AFG2A: variants seen among roughly 807,000 people sequenced by gnomAD.
AFG2A encodes AAA ATPase AFG2A.
At chr4:122,964,501 CA>C in the AFG2A span, among the ~76,000 whole-genome samples, 98,458 of 126,058 alleles carry the variant, frequency 0.78, 37,869 homozygotes, top group East Asian at 0.93. Flanking sequence ...AAGACTGTCT[CA>C]AAAAAAAAAA....
At chr4:123,071,095 A>G in the AFG2A span, among the ~76,000 whole-genome samples, 40 of 152,188 alleles carry the variant, frequency 2.6e-4, no homozygotes, top group Non-Finnish European at 4.7e-4. Context: ...TATGTTTATG[A>G]TATCAGTGCC....
chr4:123,174,923 T>A, the AFG2A span, among the ~76,000 whole-genome samples: 8,865 of 152,082 alleles, frequency 0.058, 858 homozygotes, highest in African/African-American at 0.2. Context: ...CTCAACCTCC[T>A]GGGCCCAAGC....
chr4:122,964,956 C>T, the AFG2A span, among the ~76,000 whole-genome samples: 2 of 152,154 alleles, frequency 1.3e-5, no homozygotes, highest in African/African-American at 2.4e-5. Flanking sequence ...AATAAAGACT[C>T]CAAATAAAAC....
At chr4:123,155,874 G>C in the AFG2A span, among the ~76,000 whole-genome samples, 1 of 152,132 alleles carries the variant, frequency 6.6e-6, no homozygotes, top group African/African-American at 2.4e-5. Context: ...AGCATAGTTT[G>C]ATTTTGTTTT....
At chr4:123,284,788 C>T in the AFG2A span, among the ~76,000 whole-genome samples, 1 of 152,112 alleles carries the variant, frequency 6.6e-6, no homozygotes, top group East Asian at 1.9e-4. Flanking sequence ...AGTAATTTTA[C>T]AGAGGATTTT....
At chr4:122,929,149 C>T in the AFG2A span, 26 of 1,612,730 alleles carry the variant, frequency 1.6e-5, no homozygotes, top group Non-Finnish European at 1.7e-5. Context: ...CAGGTCCAGC[C>T]TCTTGTGGGT....
At chr4:123,015,871 A>C in the AFG2A span, among the ~76,000 whole-genome samples, 1 of 11,002 alleles carries the variant, frequency 9.1e-5, no homozygotes, top group African/African-American at 1.6e-4. Context: ...TGACCCCCCC[A>C]CCTCCCTCCC....
the AFG2A span, among the ~76,000 whole-genome samples, chr4:123,037,454 C>T: frequency 6.6e-6 from 1 of 151,960 alleles, no homozygotes; most frequent in East Asian, 1.9e-4. Context: ...TTTTCTTGAT[C>T]ATTCTTATCA....
the AFG2A span, among the ~76,000 whole-genome samples, chr4:123,002,434 G>A: frequency 1.2e-4 from 18 of 152,156 alleles, no homozygotes; most frequent in South Asian, 4.2e-4. Context: ...ATTTTGCAGC[G>A]GCTGGTACCG....
the AFG2A span, among the ~76,000 whole-genome samples, chr4:123,292,814 G>A: frequency 1.3e-5 from 2 of 152,136 alleles, no homozygotes; most frequent in African/African-American, 4.8e-5. Flanking sequence ...ATTTTTCACT[G>A]AGTTGAACAG....
chr4:123,071,387 G>A, the AFG2A span, among the ~76,000 whole-genome samples: 1 of 151,994 alleles, frequency 6.6e-6, no homozygotes, highest in African/African-American at 2.4e-5. Context: ...GGCTGAGGCA[G>A]GAGAATCACT....
the AFG2A span, among the ~76,000 whole-genome samples, chr4:123,144,561 A>G: frequency 2.0e-5 from 3 of 152,230 alleles, no homozygotes; most frequent in East Asian, 5.8e-4. Flanking sequence ...ATGACTTGTA[A>G]GTGAGACTGT....
At chr4:123,283,025 T>C in the AFG2A span, among the ~76,000 whole-genome samples, 1 of 152,074 alleles carries the variant, frequency 6.6e-6, no homozygotes, top group South Asian at 2.1e-4. Context: ...CACTTTTATG[T>C]TTTGTCCCTG....
chr4:123,019,514 T>C, the AFG2A span, among the ~76,000 whole-genome samples: 1 of 152,216 alleles, frequency 6.6e-6, no homozygotes, highest in Non-Finnish European at 1.5e-5. Context: ...TTATAATTTC[T>C]TGTAGGCTAT....
chr4:123,185,941 A>T, the AFG2A span, among the ~76,000 whole-genome samples: 2 of 152,138 alleles, frequency 1.3e-5, no homozygotes. Flanking sequence ...GTTTCTAATT[A>T]TTAGAAATCT....
At chr4:123,190,174 C>G in the AFG2A span, among the ~76,000 whole-genome samples, 1 of 152,100 alleles carries the variant, frequency 6.6e-6, no homozygotes. Flanking sequence ...TGACTATTCT[C>G]TTTTCAAAAA....
the AFG2A span, among the ~76,000 whole-genome samples, chr4:123,299,890 A>G: frequency 6.6e-6 from 1 of 152,216 alleles, no homozygotes; most frequent in South Asian, 2.1e-4. Flanking sequence ...ATCAAGTGAT[A>G]ATTTAATTAC....
the AFG2A span, among the ~76,000 whole-genome samples, chr4:123,015,931 C>T: frequency 5.2e-5 from 2 of 38,640 alleles, no homozygotes; most frequent in Non-Finnish European, 7.6e-5. Context: ...CCAGTAGGGG[C>T]GGCCGGGCAG....
the AFG2A span, among the ~76,000 whole-genome samples, chr4:123,187,264 T>C: frequency 1.3e-5 from 2 of 152,234 alleles, no homozygotes; most frequent in Non-Finnish European, 2.9e-5. Context: ...AGCTACTTTA[T>C]GTATAAGCTC....
Sources: gnomAD v4.1 joint callset for allele counts (sites outside exome capture counted in the v4.1 genomes callset) on GRCh38, gnomAD v4.1.1 for gene constraint, MANE v1.5 for transcripts, NCBI Gene and HGNC (gene_info 2026-07-23, HGNC 2026-07-21) for gene names.